The following PITPNM2 variants were observed in gnomAD, a reference collection of about 807,000 sequenced individuals.
PITPNM2 encodes the protein phosphatidylinositol transfer protein membrane associated 2.
In PITPNM2, 35 loss-of-function variants were observed where a neutral mutation model predicts 132.2. The observed-to-expected ratio is 0.26, with a 90% CI of 0.20 to 0.35. The LOEUF is 0.35. Among genes scored for constraint, PITPNM2 ranks in the 10% least tolerant of loss-of-function variants. The pLI, the probability that PITPNM2 is intolerant of heterozygous loss-of-function variation, is 1.00. For synonymous variants in PITPNM2, 738 were observed against 799.2 expected, an observed-to-expected ratio of 0.92 and a Z score of 1.29; for missense variants, 1,332 against 1,912.0, an observed-to-expected ratio of 0.70 and a Z score of 5.66.
intron 2 of PITPNM2, among the ~76,000 whole-genome samples, chr12:123,071,413 G>A (rs1279212247): frequency 6.6e-6 from 1 of 152,226 alleles, no homozygotes. Flanking sequence ...AGGACAGCCA[G>A]AGAGAGACCC....
intron 2 of PITPNM2, chr12:123,081,091 T>TGGTCCA (rs1290462848): frequency 7.2e-5 from 11 of 152,272 alleles, no homozygotes; most frequent in African/African-American, 2.7e-4. Flanking sequence ...AAAGGACGCA[T>TGGTCCA]GGTCCAGGCC....
chr12:123,006,863 T>G, intron 6 of PITPNM2, among the ~76,000 whole-genome samples: 1 of 152,026 alleles, frequency 6.6e-6, no homozygotes, highest in East Asian at 1.9e-4. Flanking sequence ...TGCTCTGAAG[T>G]TGTGCCCAGC....
chr12:122,997,071 C>A (rs1186747590), intron 11 of PITPNM2, among the ~76,000 whole-genome samples, 161 bp from the exon 12 acceptor site: 1 of 152,186 alleles, frequency 6.6e-6, no homozygotes, highest in African/African-American at 2.4e-5. Flanking sequence ...TGGGTAAGAC[C>A]CCATGTCTCA....
At chr12:123,050,031 T>C (rs776325172) in intron 2 of PITPNM2, among the ~76,000 whole-genome samples, 8 of 152,240 alleles carry the variant, frequency 5.3e-5, no homozygotes, top group Non-Finnish European at 8.8e-5. Flanking sequence ...CTCCCTGCCA[T>C]GTCCCTGTTT....
At chr12:123,018,956 ATAT>A (rs2136305573) in intron 3 of PITPNM2, among the ~76,000 whole-genome samples, 1 of 150,920 alleles carries the variant, frequency 6.6e-6, no homozygotes, top group Admixed American at 6.6e-5. Flanking sequence ...GCTAATTTTT[ATAT>A]TATTAGTAGA....
chr12:123,008,764 G>A lies in PITPNM2; in HGVS notation c.643+1086C>T, dbSNP rs1425875026. Among the ~76,000 whole-genome samples, 1 of 152,200 alleles carries A rather than the reference G, an allele frequency of 6.6e-6. No individual in the cohort carries two copies. The highest frequency in any genetic ancestry group is 1.5e-5 in the Non-Finnish European group (1 of 68,044). The stretch of plus-strand genomic sequence containing the variant: ...ATGTGTCTGAGTGTTCTGCCCTGGG[G>A]ATGGAGGTGGTGACACCAACACACC... On this transcript the variant is annotated intron_variant, in intron 6 of 25. Transcript: ENST00000320201. This position sits in a 1 kb window ranked among gnomAD's most constrained non-coding sequence, Gnocchi z 4.1.
At chr12:123,042,839 A>T (rs912121098) in intron 2 of PITPNM2, among the ~76,000 whole-genome samples, 3 of 152,052 alleles carry the variant, frequency 2.0e-5, no homozygotes, top group Non-Finnish European at 2.9e-5. Context: ...GTATCCAGGG[A>T]CCCAAAGCTC....
intron 2 of PITPNM2, among the ~76,000 whole-genome samples, chr12:123,074,545 CCCA>C (rs772409201): frequency 2.0e-5 from 3 of 152,024 alleles, no homozygotes; most frequent in East Asian, 1.9e-4. Flanking sequence ...ATATACACCC[CCCA>C]CATGAGCACA....
intron 1 of PITPNM2, among the ~76,000 whole-genome samples, chr12:123,113,976 T>C (rs1484468343): frequency 1.3e-5 from 2 of 152,220 alleles, no homozygotes; most frequent in African/African-American, 4.8e-5. Flanking sequence ...ATCCTTCACT[T>C]AGCATAATGT....
At chr12:123,039,721 A>T (rs1330285243) in intron 2 of PITPNM2, among the ~76,000 whole-genome samples, 1 of 152,198 alleles carries the variant, frequency 6.6e-6, no homozygotes, top group Non-Finnish European at 1.5e-5. Context: ...ATGCCATGTC[A>T]CTGCAGGCTC....
chr12:123,024,951 T>C (rs1204773189), intron 3 of PITPNM2, among the ~76,000 whole-genome samples: 2 of 152,138 alleles, frequency 1.3e-5, no homozygotes, highest in African/African-American at 4.8e-5. Context: ...AAACCAATCC[T>C]GCCTTTTGTA....
chr12:123,085,934 C>T lies in PITPNM2; in HGVS notation c.-96+24451G>A, dbSNP rs774146576. ...AAGCCAGGATGCCCTGTCTCCCTGG[C>T]GGCCAGCCAGATGCCACAGGGCAGG... On this transcript the variant is annotated intron_variant, in intron 2 of 25. Transcript: ENST00000320201. 1.7e-4 allele frequency among the ~76,000 whole-genome samples: 26 copies of T among 152,188 alleles called. 1 individual carries two copies. The highest frequency in any genetic ancestry group is 2.6e-4 in the Non-Finnish European group (18 of 68,030).
chr12:122,985,335 A>C lies in PITPNM2; in HGVS notation c.*692T>G, dbSNP rs774078314. The C allele has an allele frequency of 2.0e-5, 3 of 152,456 alleles. No individual in the cohort carries two copies. Among genetic ancestry groups the C allele is most frequent in the Non-Finnish European group, 4.4e-5 (3 of 68,064 alleles). The allele number at this position is 152,456 out of a possible 1,614,324, so 9.4% of individuals were successfully genotyped here. On this transcript the variant is annotated 3_prime_UTR_variant, in exon 26 of 26. Coordinates refer to ENST00000320201, the MANE Select transcript of PITPNM2 (RefSeq NM_020845.3). Reference sequence around the variant, plus strand: ...CGTCCAGCCCGTGGCCTGAGGCTGGAAACAACACTGGCCTGGGCTCCAGGC... The same window carrying C: ...CGTCCAGCCCGTGGCCTGAGGCTGGCAACAACACTGGCCTGGGCTCCAGGC...
chr12:123,063,498 T>C (rs1748408741), intron 2 of PITPNM2, among the ~76,000 whole-genome samples: 1 of 152,160 alleles, frequency 6.6e-6, no homozygotes. Flanking sequence ...AAATGCATAA[T>C]ATTTAAAAGA....
intron 3 of PITPNM2, among the ~76,000 whole-genome samples, chr12:123,015,763 T>G (rs1270613361): frequency 6.6e-6 from 1 of 152,028 alleles, no homozygotes; most frequent in Non-Finnish European, 1.5e-5. Context: ...TGGACTTAAC[T>G]GAAATTAAAA....
chr12:123,034,593 T>TG lies in PITPNM2; in HGVS notation c.-4dup. 1 of 1,614,106 alleles carries TG rather than the reference T, an allele frequency of 6.2e-7. No homozygotes were observed. On this transcript the variant is annotated 5_prime_UTR_variant, in exon 3 of 26. Coordinates refer to ENST00000320201, the MANE Select transcript of PITPNM2 (RefSeq NM_020845.3). ...ATCCGATATTCCTTTATAATCATCTTGGAGTCCAAGCCTTCCCGTCGATGG... is the reference window on the plus strand; with the variant it reads ...ATCCGATATTCCTTTATAATCATCTTGGGAGTCCAAGCCTTCCCGTCGATGG...
At chr12:123,057,741 C>A (rs1179599677) in intron 2 of PITPNM2, among the ~76,000 whole-genome samples, 1 of 152,218 alleles carries the variant, frequency 6.6e-6, no homozygotes, top group Non-Finnish European at 1.5e-5. Flanking sequence ...GGGCTCCCCA[C>A]CGCGACGCCC....
chr12:123,007,933 C>T (rs532329724), intron 6 of PITPNM2, among the ~76,000 whole-genome samples: 292 of 152,290 alleles, frequency 1.9e-3, no homozygotes, highest in Non-Finnish European at 2.9e-3. Flanking sequence ...AGATCATCCC[C>T]GTGATATTAT....
At position 123,004,418 on chromosome 12, in the gene PITPNM2, C is replaced by T. The variant is rs201975520; in HGVS notation, c.1024G>A (p.Asp342Asn). Reference protein sequence around the residue: ...SIARDSDESSDDEFFDAHEDL... With the variant: ...SIARDSDESSNDEFFDAHEDL... ...CCGTGCGCATCGAAGAACTCATCAT[C>T]TGAGCTCTCATCCGAGTCCCTGGCA... Residue 342 changes from aspartate to asparagine, a missense_variant, in exon 8 of 26, where the codon GAT becomes AAT. Asp to Asn is a conservative substitution (Grantham distance 23). Transcript: ENST00000320201. This position sits in a 1 kb window ranked among gnomAD's most constrained non-coding sequence, Gnocchi z 4.9. 7.4e-6 allele frequency: 12 copies of T among 1,613,962 alleles called. No homozygotes were observed. The Admixed American group carries it at 1.7e-4, about 22-fold the overall frequency.
Sources: allele counts gnomAD v4.1 joint callset (sites outside exome capture counted in the v4.1 genomes callset), GRCh38; gene constraint gnomAD v4.1.1; non-coding constraint Gnocchi (gnomAD v3.1); transcripts MANE v1.5; gene names NCBI Gene and HGNC (gene_info 2026-07-23, HGNC 2026-07-21).